SDCCAG8: variants seen among roughly 807,000 people sequenced by gnomAD.
The protein encoded by SDCCAG8 is SHH signaling and ciliogenesis regulator SDCCAG8.
SDCCAG8 carries 74 observed loss-of-function variants against 101.8 expected under a neutral mutation model. That is an observed-to-expected ratio of 0.73 (90% CI 0.60 to 0.88). The LOEUF (loss-of-function observed/expected upper bound fraction) is 0.88, where lower values mean the gene tolerates loss of function less well. SDCCAG8 is among the 40% of genes least tolerant of loss of function. The pLI is 0.00. For missense variants in SDCCAG8, 787 were observed against 822.6 expected (o/e 0.96, Z 0.53); for synonymous variants, 281 against 292.9 (o/e 0.96, Z 0.41).
At chr1:243,274,188 A>G (rs2068325421) in intron 3 of SDCCAG8, among the ~76,000 whole-genome samples, 1 of 152,208 alleles carries the variant, frequency 6.6e-6, no homozygotes, top group Non-Finnish European at 1.5e-5. Flanking sequence ...CCAGAGCAAG[A>G]AGTGGGAGAG....
At chr1:243,409,019 T>C (rs1020570888) in intron 13 of SDCCAG8, among the ~76,000 whole-genome samples, 6 of 152,160 alleles carry the variant, frequency 3.9e-5, no homozygotes, top group Non-Finnish European at 7.3e-5. Context: ...CCTCTAGCTC[T>C]GTGAGTTTGG....
chr1:243,296,006 A>AT lies in SDCCAG8; in HGVS notation c.675+2794dup, dbSNP rs529181992. Among the ~76,000 whole-genome samples, 349 of 151,364 alleles carry AT rather than the reference A, an allele frequency of 2.3e-3. 2 individuals carry two copies. The highest frequency in any genetic ancestry group is 8.2e-3 in the African/African-American group (340 of 41,222). On this transcript the variant is annotated intron_variant, in intron 6 of 17. Coordinates refer to ENST00000366541, the MANE Select transcript of SDCCAG8 (RefSeq NM_006642.5). ...ATGGTTTATTCTTTTTATTTTATTTATTTTTTTGAGACGGGATCTAGCTCT... is the reference window on the plus strand; with the variant it reads ...ATGGTTTATTCTTTTTATTTTATTTATTTTTTTTGAGACGGGATCTAGCTCT...
chr1:243,357,784 A>G (rs550603288), intron 12 of SDCCAG8, among the ~76,000 whole-genome samples: 12 of 152,292 alleles, frequency 7.9e-5, no homozygotes, highest in Admixed American at 2.6e-4. Flanking sequence ...GGGTCCAGAA[A>G]GATTTTACAC....
chr1:243,445,283 A>G (rs944751289), intron 16 of SDCCAG8, among the ~76,000 whole-genome samples: 3 of 152,054 alleles, frequency 2.0e-5, no homozygotes, highest in African/African-American at 7.2e-5. Context: ...CTCCATTCCC[A>G]TCCCCATCCC....
intron 12 of SDCCAG8, among the ~76,000 whole-genome samples, chr1:243,348,942 C>T (rs1414263827): frequency 2.0e-5 from 3 of 151,562 alleles, no homozygotes; most frequent in Admixed American, 6.6e-5. Flanking sequence ...GCCGAGATCA[C>T]GCCACTGCAC....
chr1:243,258,711 C>T (rs1285240809), intron 1 of SDCCAG8, among the ~76,000 whole-genome samples: 1 of 152,126 alleles, frequency 6.6e-6, no homozygotes, highest in Non-Finnish European at 1.5e-5. Context: ...GCTGATAATT[C>T]CCTTTAAAGT....
intron 9 of SDCCAG8, among the ~76,000 whole-genome samples, chr1:243,327,281 T>G (rs949364207): frequency 5.4e-5 from 8 of 148,822 alleles, no homozygotes; most frequent in Non-Finnish European, 1.0e-4. Flanking sequence ...TTTATAATTT[T>G]ATAGAAATTA....
intron 9 of SDCCAG8, among the ~76,000 whole-genome samples, chr1:243,320,695 C>T (rs1457498452): frequency 6.6e-6 from 1 of 152,136 alleles, no homozygotes; most frequent in East Asian, 1.9e-4. Flanking sequence ...AAATATGTGA[C>T]TCCTAGGATT....
chr1:243,405,012 A>C (rs2079666173), intron 13 of SDCCAG8, among the ~76,000 whole-genome samples: 1 of 151,956 alleles, frequency 6.6e-6, no homozygotes, highest in Non-Finnish European at 1.5e-5. Flanking sequence ...GATTACAGGC[A>C]TGCACACCAT....
chr1:243,271,759 G>A lies in SDCCAG8; in HGVS notation c.306+696G>A, dbSNP rs184419678. Among the ~76,000 whole-genome samples, 227 of 152,142 alleles carry A rather than the reference G, an allele frequency of 1.5e-3. 2 individuals carry two copies. Among genetic ancestry groups the A allele is most frequent in the Non-Finnish European group, 2.7e-3 (184 of 68,008 alleles). On this transcript the variant is annotated intron_variant, in intron 3 of 17. Transcript: ENST00000366541. ...GGGTTTCACCATATTGGCTAGGCTG[G>A]TCTCGAACTCTGAACCTCAGGAAAT... is the stretch of plus-strand genomic sequence containing the variant.
At chr1:243,377,109 C>G (rs1163464331) in intron 12 of SDCCAG8, among the ~76,000 whole-genome samples, 2 of 151,990 alleles carry the variant, frequency 1.3e-5, no homozygotes, top group African/African-American at 2.4e-5. Context: ...TCTTGTGTAT[C>G]TATGTCTCAT....
chr1:243,437,964 AC>A (rs1274555714), intron 16 of SDCCAG8, among the ~76,000 whole-genome samples: 1 of 152,198 alleles, frequency 6.6e-6, no homozygotes, highest in Non-Finnish European at 1.5e-5. Flanking sequence ...CCAGAGGAAG[AC>A]AGCTTTTGCC....
At chr1:243,330,788 A>T in intron 10 of SDCCAG8, 96 bp downstream of exon 10, 2 of 1,221,062 alleles carry the variant, frequency 1.6e-6, no homozygotes, top group Admixed American at 4.1e-5. Flanking sequence ...AATGAACTTT[A>T]AATTTTAAAA....
intron 13 of SDCCAG8, among the ~76,000 whole-genome samples, chr1:243,399,480 T>G (rs2079231754): frequency 6.6e-6 from 1 of 152,130 alleles, no homozygotes; most frequent in South Asian, 2.1e-4. Flanking sequence ...CGAAGTTCAC[T>G]TCTTAGAACT....
intron 4 of SDCCAG8, among the ~76,000 whole-genome samples, chr1:243,283,359 TTTC>T (rs1238886590): frequency 6.6e-6 from 1 of 150,422 alleles, no homozygotes; most frequent in Non-Finnish European, 1.5e-5. Context: ...GACTGAAATG[TTTC>T]TTCTTTTCCT....
chr1:243,358,310 T>C (rs2076505552), intron 12 of SDCCAG8, among the ~76,000 whole-genome samples: 1 of 152,098 alleles, frequency 6.6e-6, no homozygotes, highest in Admixed American at 6.6e-5. Context: ...AGAAGATATG[T>C]TAATAATAAC....
intron 3 of SDCCAG8, among the ~76,000 whole-genome samples, chr1:243,273,045 T>C (rs993457307): frequency 6.6e-6 from 1 of 152,214 alleles, no homozygotes; most frequent in Middle Eastern, 3.2e-3. Context: ...ATACTCATAG[T>C]AGTAATTTAT....
intron 9 of SDCCAG8, among the ~76,000 whole-genome samples, chr1:243,329,671 G>A (rs931864810): frequency 3.3e-5 from 5 of 151,920 alleles, no homozygotes; most frequent in Admixed American, 3.3e-4. Context: ...TTAAAAATTG[G>A]GATTTTACTA....
At chr1:243,331,636 T>C (rs2074602584) in intron 10 of SDCCAG8, among the ~76,000 whole-genome samples, 1 of 152,224 alleles carries the variant, frequency 6.6e-6, no homozygotes, top group African/African-American at 2.4e-5. Flanking sequence ...AAAACCCTAC[T>C]ACCTACCTTC....
Sources: gnomAD v4.1 joint callset for allele counts (sites outside exome capture counted in the v4.1 genomes callset) on GRCh38, gnomAD v4.1.1 for gene constraint, MANE v1.5 for transcripts, NCBI Gene and HGNC (gene_info 2026-07-23, HGNC 2026-07-21) for gene names.